DLGAP3: variants seen among roughly 807,000 people sequenced by gnomAD.
The protein encoded by DLGAP3 is disks large-associated protein 3.
Under a neutral mutation model 81.2 loss-of-function variants are expected in DLGAP3, and 17 were observed. That is an observed-to-expected ratio of 0.21 (90% CI 0.14 to 0.31). The LOEUF is 0.31. Ranked by LOEUF, DLGAP3 falls within the 10% of genes least tolerant of loss-of-function variation. The pLI, the probability that DLGAP3 is intolerant of heterozygous loss-of-function variation, is 1.00. For missense variants in DLGAP3, 1,124 were observed against 1,388.0 expected (o/e 0.81, Z 3.02); for synonymous variants, 577 against 587.4 (o/e 0.98, Z 0.26).
intron 1 of DLGAP3, among the ~76,000 whole-genome samples, chr1:34,914,733 GA>G (rs1465649474): frequency 6.6e-6 from 1 of 152,230 alleles, no homozygotes; most frequent in East Asian, 1.9e-4. Flanking sequence ...TAACTAGGGA[GA>G]AACTACTTAA....
intron 6 of DLGAP3, 58 bp from the exon 7 acceptor site, chr1:34,885,849 TG>T (rs1639217511): frequency 7.4e-7 from 1 of 1,343,244 alleles, no homozygotes; most frequent in African/African-American, 1.5e-5. Flanking sequence ...GCCTGGGTCC[TG>T]GGCCCGCGCC....
chr1:34,865,945 A>G lies in DLGAP3; in HGVS notation c.*138T>C, dbSNP rs1638867390. 1 of 775,398 alleles carries G rather than the reference A, an allele frequency of 1.3e-6. No individual in the cohort carries two copies. 48.0% of individuals were successfully genotyped at this position (775,398 alleles called of 1,614,324 possible). A position where few individuals can be genotyped will look rare whatever the true frequency, so the allele number is the denominator to read the frequency against. On this transcript the variant is annotated 3_prime_UTR_variant, in exon 12 of 12. Transcript: ENST00000373347. ...AAGGTAAAAAACCCACGAGAGTGTG[A>G]CGGGCCCGGGGGCCGGGGCGTCCGG...
Position 34,865,936 on chromosome 1 carries a change from G to C in DLGAP3, c.*147C>G. 1.3e-6 allele frequency: 1 copy of C among 754,554 alleles called. No individual in the cohort carries two copies. The highest frequency in any genetic ancestry group is 2.2e-6 in the Non-Finnish European group (1 of 452,746). 46.7% of individuals were successfully genotyped at this position (754,554 alleles called of 1,614,324 possible). On this transcript the variant is annotated 3_prime_UTR_variant, in exon 12 of 12. Transcript: ENST00000373347. ...GGGATCAGGAAGGTAAAAAACCCAC[G>C]AGAGTGTGACGGGCCCGGGGGCCGG...
At chr1:34,877,673 A>T (rs541025499) in intron 8 of DLGAP3, among the ~76,000 whole-genome samples, 2 of 152,368 alleles carry the variant, frequency 1.3e-5, no homozygotes, top group South Asian at 4.1e-4. Flanking sequence ...AAGGAAATTA[A>T]AGTGTTCCAA....
chr1:34,902,786 A>C lies in DLGAP3; in HGVS notation c.1107+1491T>G, dbSNP rs921659543. Among the ~76,000 whole-genome samples the C allele has an allele frequency of 6.6e-6, 1 of 152,110 alleles. No homozygotes were observed. Among genetic ancestry groups the C allele is most frequent in the Non-Finnish European group, 1.5e-5 (1 of 67,998 alleles). ...TCCTCTGCAGGACACTGTGAGGTGC[A>C]TGTTAAAAAGGAAGCCCCCAGGGAG... On this transcript the variant is annotated intron_variant, in intron 3 of 11. Transcript: ENST00000373347. This position sits in a 1 kb window ranked among gnomAD's most constrained non-coding sequence, Gnocchi z 4.4.
At chr1:34,916,676 ATTTTATTTTATTTTATTTTATT>A (rs1557502144) in intron 1 of DLGAP3, among the ~76,000 whole-genome samples, 2 of 146,596 alleles carry the variant, frequency 1.4e-5, no homozygotes, top group African/African-American at 5.0e-5. Flanking sequence ...ATTTTATTTT[ATTTTATTTTATTTTATTTTATT>A]TTATTTTATT....
rs1480274381 is a variant in DLGAP3 at position 34,866,077 on chromosome 1, G to A, written c.*6C>T. 6.3e-7 allele frequency: 1 copy of A among 1,594,232 alleles called. No homozygotes were observed. The highest frequency in any genetic ancestry group is 1.7e-5 in the Admixed American group (1 of 59,596). ...GGCCCGGGCCGGGCTGGGCGGGCCG[G>A]ACCGGTCACAGCCTGGTCTGGGCCT... On this transcript the variant is annotated 3_prime_UTR_variant, in exon 12 of 12. Transcript: ENST00000373347.
intron 5 of DLGAP3, among the ~76,000 whole-genome samples, chr1:34,892,573 G>A (rs936512881): frequency 2.0e-5 from 3 of 152,050 alleles, no homozygotes; most frequent in Admixed American, 2.0e-4. Context: ...CTATTCACAG[G>A]CACAATCATA....
chr1:34,920,643 C>G (rs982595190), intron 1 of DLGAP3, among the ~76,000 whole-genome samples: 5 of 152,204 alleles, frequency 3.3e-5, no homozygotes, highest in Admixed American at 6.5e-5. Flanking sequence ...GCTATGACAA[C>G]AGGTTCCTAA....
At chr1:34,870,832 G>T (rs1484585104) in intron 8 of DLGAP3, among the ~76,000 whole-genome samples, 1 of 152,148 alleles carries the variant, frequency 6.6e-6, no homozygotes, top group Non-Finnish European at 1.5e-5. Context: ...GAAGAGCACG[G>T]GGCCAGGAGT....
Position 34,911,475 on chromosome 1 carries a change from C to T in DLGAP3, c.-134-4038G>A, listed in dbSNP as rs529597505. Among the ~76,000 whole-genome samples the T allele has an allele frequency of 1.6e-4, 25 of 152,280 alleles. No individual in the cohort carries two copies. In the South Asian group the frequency reaches 5.2e-3, roughly 32 times the overall value. ...GCACCAAATCATCCATCCACTATCC[C>T]AGGACACAGAGAGCTGCCCGAATGG... On this transcript the variant is annotated intron_variant, in intron 1 of 11. Transcript: ENST00000373347.
At chr1:34,877,141 C>T (rs752216046) in intron 8 of DLGAP3, among the ~76,000 whole-genome samples, 1 of 152,148 alleles carries the variant, frequency 6.6e-6, no homozygotes, top group African/African-American at 2.4e-5. Flanking sequence ...GGAGATCAGA[C>T]CAGACATATG....
intron 1 of DLGAP3, among the ~76,000 whole-genome samples, chr1:34,925,846 C>G (rs1159653123): frequency 6.6e-6 from 1 of 152,206 alleles, no homozygotes; most frequent in Non-Finnish European, 1.5e-5. Context: ...TGGGACCATT[C>G]TGTCCCTTTG....
At position 34,869,722 on chromosome 1, in the gene DLGAP3, C is replaced by T. The variant is rs559468614; in HGVS notation, c.2001-633G>A. 1.2e-4 allele frequency among the ~76,000 whole-genome samples: 19 copies of T among 152,228 alleles called. 2 individuals are homozygous for T. The South Asian group carries it at 1.5e-3, about 12-fold the overall frequency. ...AACTCCCGACCTCAGGTTATCCACCCGCCTTGGCCTCCCAACGTGCTGGGA... is the reference window on the plus strand; with the variant it reads ...AACTCCCGACCTCAGGTTATCCACCTGCCTTGGCCTCCCAACGTGCTGGGA... On this transcript the variant is annotated intron_variant, in intron 8 of 11. Coordinates refer to ENST00000373347, the MANE Select transcript of DLGAP3 (RefSeq NM_001080418.3).
chr1:34,923,566 G>A (rs1045600398), intron 1 of DLGAP3, among the ~76,000 whole-genome samples: 4 of 152,086 alleles, frequency 2.6e-5, no homozygotes, highest in African/African-American at 7.2e-5. Flanking sequence ...CATTTCATGT[G>A]GGGGTGGAGG....
At chr1:34,886,499 CT>C (rs1280549324) in intron 5 of DLGAP3, among the ~76,000 whole-genome samples, 3 of 152,136 alleles carry the variant, frequency 2.0e-5, no homozygotes, top group Non-Finnish European at 4.4e-5. Flanking sequence ...GGGGCCCAGT[CT>C]TTCCTCTAAA....
Position 34,868,853 on chromosome 1 carries a change from G to A in DLGAP3, c.2237C>T (p.Pro746Leu), listed in dbSNP as rs370934625. ...QWAYREGYPL[P>L]YEPPATDGSP... ...CCCATCGGTGGCCGGCGGCTCGTAC[G>A]GCAGTGGGTAGCCCTCGCGGTAGGC... Residue 746 changes from proline (P) to leucine (L), a missense_variant, in exon 9 of 12, where the codon CCG becomes CTG. Transcript: ENST00000373347. This position sits in a 1 kb window ranked among gnomAD's most constrained non-coding sequence, Gnocchi z 7.5. 53 of 1,587,624 alleles carry A rather than the reference G, an allele frequency of 3.3e-5. No homozygotes were observed. Among genetic ancestry groups the A allele is most frequent in the South Asian group, 4.4e-5 (4 of 89,988 alleles).
intron 7 of DLGAP3, 106 bp downstream of exon 7, chr1:34,885,372 C>G: frequency 7.7e-7 from 1 of 1,302,286 alleles, no homozygotes; most frequent in South Asian, 1.3e-5. Context: ...CAGCTCAGGG[C>G]AAGCCAGAAA....
At chr1:34,885,432 G>A (rs1252745125) in intron 7 of DLGAP3, 46 bp downstream of exon 7, 1 of 1,595,238 alleles carries the variant, frequency 6.3e-7, no homozygotes, top group Non-Finnish European at 8.5e-7. Context: ...CCCCAGCCCC[G>A]ACCGACCAGG....
Sources: gnomAD v4.1 joint callset for allele counts (sites outside exome capture counted in the v4.1 genomes callset) on GRCh38, gnomAD v4.1.1 for gene constraint, Gnocchi (gnomAD v3.1) non-coding constraint, MANE v1.5 for transcripts, NCBI Gene and HGNC (gene_info 2026-07-23, HGNC 2026-07-21) for gene names.